Variants in MID1 observed in about 807,000 individuals in gnomAD.
MID1 encodes the protein E3 ubiquitin-protein ligase Midline-1.
Under a neutral mutation model 40.4 loss-of-function variants are expected in MID1, and 7 were observed. That is an observed-to-expected ratio of 0.17 (90% CI 0.10 to 0.33). The LOEUF (loss-of-function observed/expected upper bound fraction) is 0.33, where lower values mean the gene tolerates loss of function less well. Ranked by LOEUF, MID1 falls within the 10% of genes least tolerant of loss-of-function variation. The probability of loss-of-function intolerance (pLI) is 1.00; values close to 1 mark genes in which losing one functional copy is unlikely to be tolerated. For missense variants in MID1, 367 were observed against 558.5 expected (o/e 0.66, Z 3.46); for synonymous variants, 229 against 221.2 (o/e 1.04, Z -0.31).
intron 1 of MID1, among the ~76,000 whole-genome samples, chrX:10,830,636 T>C (rs763024677): frequency 2.9e-4 from 33 of 112,560 alleles, no homozygotes; most frequent in African/African-American, 1.0e-3. Context: ...GGTTCTTTTA[T>C]GTCCATCGCC....
chrX:10,803,872 T>C (rs2044026275), intron 1 of MID1, among the ~76,000 whole-genome samples: 1 of 112,107 alleles, frequency 8.9e-6, no homozygotes, highest in South Asian at 3.7e-4. Flanking sequence ...TTCTTTATTC[T>C]TCTTCTAGTA....
chrX:10,770,170 G>A (rs1157204696), intron 1 of MID1, among the ~76,000 whole-genome samples: 4 of 111,667 alleles, frequency 3.6e-5, no homozygotes, highest in Non-Finnish European at 7.5e-5. Context: ...ACTGCAAACT[G>A]CACGTTGCCA....
intron 2 of MID1, among the ~76,000 whole-genome samples, chrX:10,526,197 T>A (rs192029626): frequency 9.0e-6 from 1 of 111,406 alleles, no homozygotes; most frequent in East Asian, 2.8e-4. Context: ...ACTTAAAGAA[T>A]GGGATACAAG....
intron 1 of MID1, among the ~76,000 whole-genome samples, chrX:10,809,401 CA>C (rs1334455386): frequency 9.0e-6 from 1 of 111,550 alleles, no homozygotes; most frequent in Non-Finnish European, 1.9e-5. Flanking sequence ...CTAGAAATAC[CA>C]TTTGACCCAG....
At chrX:10,760,411 G>C (rs1214025387) in intron 1 of MID1, among the ~76,000 whole-genome samples, 2 of 111,986 alleles carry the variant, frequency 1.8e-5, no homozygotes, top group Non-Finnish European at 3.8e-5. Flanking sequence ...ATATGTCTCA[G>C]ATAGCAAAGA....
At chrX:10,763,964 C>A (rs1294357750) in intron 1 of MID1, among the ~76,000 whole-genome samples, 1 of 111,900 alleles carries the variant, frequency 8.9e-6, no homozygotes, top group Admixed American at 9.4e-5. Context: ...TAAATGTCTT[C>A]TTTTGAGAAG....
At chrX:10,740,633 T>C (rs1482471758) in intron 1 of MID1, among the ~76,000 whole-genome samples, 6 of 112,031 alleles carry the variant, frequency 5.4e-5, no homozygotes, top group Non-Finnish European at 7.5e-5. Flanking sequence ...TCAGCCTTAG[T>C]TTTTTTGAAC....
chrX:10,812,566 C>A (rs1440321707), intron 1 of MID1, among the ~76,000 whole-genome samples: 2 of 110,855 alleles, frequency 1.8e-5, no homozygotes, highest in East Asian at 5.7e-4. Context: ...CATCAGCATC[C>A]TAAAAATCTA....
At chrX:10,613,134 C>T (rs910780564) in intron 1 of MID1, among the ~76,000 whole-genome samples, 1 of 111,435 alleles carries the variant, frequency 9.0e-6, no homozygotes, top group Non-Finnish European at 1.9e-5. Flanking sequence ...GTAACATCCC[C>T]CTTCCTCCGA....
chrX:10,626,131 G>C (rs972548187), intron 1 of MID1, among the ~76,000 whole-genome samples: 4 of 110,709 alleles, frequency 3.6e-5, no homozygotes, highest in Non-Finnish European at 7.5e-5. Context: ...TTATAGAACA[G>C]TCCTTAACTT....
chrX:10,465,204 TATATATATATACACACAC>T (rs1331132412), intron 7 of MID1, among the ~76,000 whole-genome samples: 3 of 67,372 alleles, frequency 4.5e-5, no homozygotes, highest in African/African-American at 2.2e-4. Context: ...TATATATATA[TATATATATATACACACAC>T]ACACACACAC....
chrX:10,817,514 C>CTT (rs1195422523), intron 1 of MID1, among the ~76,000 whole-genome samples: 4 of 80,435 alleles, frequency 5.0e-5, no homozygotes, highest in Admixed American at 1.4e-4. Flanking sequence ...TTCTTTTTTT[C>CTT]TCTTTCTTTC....
In MID1 at chrX:10,787,834, A is replaced by G. The variant is rs755597596; in HGVS notation, c.-187+45720T>C. ...TAAAAAAATAAACAACTTTTTAAGG[A>G]AGACATAAAAATCAAACAGGACTCC... On this transcript the variant is annotated intron_variant, in intron 1 of 10. Transcript: ENST00000380785. Among the ~76,000 whole-genome samples, 49 of 110,002 alleles carry G rather than the reference A, an allele frequency of 4.5e-4. No homozygotes were observed. The South Asian group carries it at 8.5e-3, about 19-fold the overall frequency.
At chrX:10,680,673 T>G (rs2147069337) in intron 1 of MID1, among the ~76,000 whole-genome samples, 1 of 111,368 alleles carries the variant, frequency 9.0e-6, no homozygotes, top group Non-Finnish European at 1.9e-5. Context: ...TGCCAAAAGC[T>G]CACATCAAAG....
At position 10,636,096 on chromosome X, in the gene MID1, A is replaced by G. The variant is rs895063234; in HGVS notation, c.-186-15677T>C. ...AGATTTAAAAACATAAAACAGAGGG[A>G]ACAGCATGAAAGCAACTATAAAATG... On this transcript the variant is annotated intron_variant, in intron 1 of 10. Transcript: ENST00000380785. Among the ~76,000 whole-genome samples, 20 of 112,454 alleles carry G rather than the reference A, an allele frequency of 1.8e-4. 1 individual carries two copies. Among genetic ancestry groups the G allele is most frequent in the African/African-American group, 5.2e-4 (16 of 30,964 alleles).
chrX:10,636,501 T>A (rs990372503), intron 1 of MID1, among the ~76,000 whole-genome samples: 1 of 109,670 alleles, frequency 9.1e-6, no homozygotes, highest in African/African-American at 3.3e-5. Flanking sequence ...GTTTCACCGT[T>A]GGGATTTGGA....
chrX:10,799,822 A>ACAG (rs2043993528), intron 1 of MID1, among the ~76,000 whole-genome samples: 3 of 112,107 alleles, frequency 2.7e-5, no homozygotes, highest in African/African-American at 3.2e-5. Context: ...TTCCCAAAGA[A>ACAG]GAAATTTCCC....
chrX:10,779,384 G>T (rs974950592), intron 1 of MID1, among the ~76,000 whole-genome samples: 3 of 111,458 alleles, frequency 2.7e-5, no homozygotes, highest in Admixed American at 9.5e-5. Flanking sequence ...TGTTGTCCAG[G>T]TTGGTTTTGA....
chrX:10,548,174 A>G (rs1471174524), intron 2 of MID1, among the ~76,000 whole-genome samples: 1 of 111,672 alleles, frequency 9.0e-6, no homozygotes, highest in African/African-American at 3.2e-5. Context: ...TATGTGGCCA[A>G]ATTGATTACT....
Sources: gnomAD v4.1 joint callset for allele counts (sites outside exome capture counted in the v4.1 genomes callset) on GRCh38, gnomAD v4.1.1 for gene constraint, MANE v1.5 for transcripts, NCBI Gene and HGNC (gene_info 2026-07-23, HGNC 2026-07-21) for gene names.